ACOXL: variants seen among roughly 807,000 people sequenced by gnomAD.
The protein encoded by ACOXL is acyl-CoA oxidase like.
In ACOXL, 70 loss-of-function variants were observed where a neutral mutation model predicts 71.9. That is an observed-to-expected ratio of 0.97 (90% CI 0.80 to 1.19). ACOXL has a LOEUF of 1.19. Among genes scored for constraint, ACOXL ranks in the 50% most tolerant of loss-of-function variants. ACOXL has a pLI of 0.00. For missense variants in ACOXL, 703 were observed against 736.3 expected (o/e 0.95, Z 0.52); for synonymous variants, 253 against 281.6 (o/e 0.90, Z 1.02).
chr2:111,111,070 T>C (rs1436933994), intron 17 of ACOXL, among the ~76,000 whole-genome samples: 1 of 152,216 alleles, frequency 6.6e-6, no homozygotes, highest in East Asian at 1.9e-4. Context: ...AAAACTAAAC[T>C]ATCAGTTGAT....
chr2:111,087,882 A>G (rs940351939), intron 16 of ACOXL, among the ~76,000 whole-genome samples: 2 of 152,152 alleles, frequency 1.3e-5, no homozygotes, highest in Non-Finnish European at 2.9e-5. Flanking sequence ...GGGAGAAAAT[A>G]TTTGCAAACT....
chr2:110,937,559 C>T (rs1437466184), intron 12 of ACOXL, among the ~76,000 whole-genome samples: 1 of 152,128 alleles, frequency 6.6e-6, no homozygotes, highest in East Asian at 1.9e-4. Flanking sequence ...TTTGTAGAGA[C>T]ACAAATATTT....
intron 17 of ACOXL, among the ~76,000 whole-genome samples, chr2:111,111,632 A>G (rs556535223): frequency 1.3e-5 from 2 of 152,230 alleles, no homozygotes; most frequent in African/African-American, 4.8e-5. Context: ...AATCAGTAGC[A>G]GTATGAATAA....
chr2:111,013,446 CT>C (rs1489690449), intron 14 of ACOXL, among the ~76,000 whole-genome samples: 1 of 145,372 alleles, frequency 6.9e-6, no homozygotes, highest in Non-Finnish European at 1.5e-5. Flanking sequence ...TCACTTGAAC[CT>C]GGGAGGCAGA....
chr2:110,979,123 G>A (rs1190536405), intron 12 of ACOXL, among the ~76,000 whole-genome samples: 6 of 152,148 alleles, frequency 3.9e-5, no homozygotes, highest in Admixed American at 3.9e-4. Context: ...GCTAGGGAAG[G>A]TGGACACATC....
intron 3 of ACOXL, among the ~76,000 whole-genome samples, chr2:110,786,213 G>T (rs1683941045): frequency 6.6e-6 from 1 of 152,180 alleles, no homozygotes; most frequent in Non-Finnish European, 1.5e-5. Flanking sequence ...ATTACAACTA[G>T]AACATGAAGA....
At chr2:110,996,893 G>A (rs749779144) in intron 14 of ACOXL, among the ~76,000 whole-genome samples, 1 of 152,166 alleles carries the variant, frequency 6.6e-6, no homozygotes, top group African/African-American at 2.4e-5. Flanking sequence ...ATCCACCCTC[G>A]TGGAACAAAG....
chr2:110,871,826 G>A (rs1361219414), intron 10 of ACOXL, among the ~76,000 whole-genome samples: 1 of 152,162 alleles, frequency 6.6e-6, no homozygotes, highest in African/African-American at 2.4e-5. Context: ...CTGGGAGCAA[G>A]GGGACGCTTC....
At chr2:110,972,669 AC>A (rs1263686704) in intron 12 of ACOXL, among the ~76,000 whole-genome samples, 42 of 152,160 alleles carry the variant, frequency 2.8e-4, no homozygotes, top group Admixed American at 5.9e-4. Context: ...ACACACACAC[AC>A]ACACACAAAA....
intron 10 of ACOXL, among the ~76,000 whole-genome samples, chr2:110,899,050 G>A (rs2059127191): frequency 6.6e-6 from 1 of 152,124 alleles, no homozygotes; most frequent in South Asian, 2.1e-4. Flanking sequence ...AGACTCCTGA[G>A]AACAACACAA....
At chr2:110,952,246 T>C (rs1249394396) in intron 12 of ACOXL, among the ~76,000 whole-genome samples, 2 of 152,308 alleles carry the variant, frequency 1.3e-5, no homozygotes, top group African/African-American at 2.4e-5. Context: ...CTTCTTAGTT[T>C]TAAAATTTAT....
At chr2:110,765,439 C>T (rs1464453178) in intron 1 of ACOXL, among the ~76,000 whole-genome samples, 1 of 151,820 alleles carries the variant, frequency 6.6e-6, no homozygotes, top group Non-Finnish European at 1.5e-5. Flanking sequence ...TATTATTGTC[C>T]CAAATGTTCC....
chr2:110,840,874 A>T (rs889341725), intron 9 of ACOXL, among the ~76,000 whole-genome samples: 4 of 152,176 alleles, frequency 2.6e-5, no homozygotes, highest in Non-Finnish European at 5.9e-5. Flanking sequence ...GATGATCCGC[A>T]TAGGGAGACT....
chr2:110,994,640 T>C (rs921294749), intron 13 of ACOXL, among the ~76,000 whole-genome samples: 11 of 152,112 alleles, frequency 7.2e-5, no homozygotes, highest in African/African-American at 2.4e-4. Flanking sequence ...AAATAGAGTT[T>C]CATGATGAAA....
At chr2:110,916,777 C>T (rs900422134) in intron 11 of ACOXL, among the ~76,000 whole-genome samples, 1 of 152,158 alleles carries the variant, frequency 6.6e-6, no homozygotes, top group Non-Finnish European at 1.5e-5. Flanking sequence ...ATACTATAAA[C>T]ACCTCTACAC....
At chr2:110,799,531 C>G (rs1179118693) in intron 7 of ACOXL, among the ~76,000 whole-genome samples, 1 of 152,166 alleles carries the variant, frequency 6.6e-6, no homozygotes, top group Non-Finnish European at 1.5e-5. Context: ...TGCCATACCG[C>G]TAACTGTGGG....
intron 10 of ACOXL, among the ~76,000 whole-genome samples, chr2:110,879,637 CT>C (rs1696370779): frequency 6.6e-6 from 1 of 152,068 alleles, no homozygotes; most frequent in African/African-American, 2.4e-5. Context: ...ACGGTATTGA[CT>C]GATTTGTGGG....
intron 14 of ACOXL, among the ~76,000 whole-genome samples, chr2:111,028,408 G>A (rs930323913): frequency 7.9e-5 from 12 of 151,646 alleles, no homozygotes; most frequent in African/African-American, 2.7e-4. Context: ...TGAGCTCCTC[G>A]GCCTCCCAAA....
chr2:110,785,749 T>C (rs1450816431), intron 3 of ACOXL, among the ~76,000 whole-genome samples: 1 of 152,196 alleles, frequency 6.6e-6, no homozygotes, highest in East Asian at 1.9e-4. Context: ...TGTCTGGTGT[T>C]GAACATGGGT....
Sources: allele counts gnomAD v4.1 joint callset (sites outside exome capture counted in the v4.1 genomes callset), GRCh38; gene constraint gnomAD v4.1.1; transcripts MANE v1.5; gene names NCBI Gene and HGNC (gene_info 2026-07-23, HGNC 2026-07-21).